The following RANBP17 variants were observed in gnomAD, a reference collection of about 807,000 sequenced individuals.
RANBP17 encodes the protein RAN binding protein 17.
Under a neutral mutation model 141.2 loss-of-function variants are expected in RANBP17, and 158 were observed. The observed-to-expected ratio is 1.12, with a 90% CI of 0.98 to 1.28. The LOEUF (loss-of-function observed/expected upper bound fraction) is 1.28. RANBP17 is among the 50% of genes most tolerant of loss of function. The pLI is 0.00. For missense variants in RANBP17, 1,438 were observed against 1,290.7 expected (o/e 1.11, Z -1.75); for synonymous variants, 430 against 450.0 (o/e 0.96, Z 0.56).
chr5:171,115,308 A>G (rs1044573408), intron 14 of RANBP17, among the ~76,000 whole-genome samples: 3 of 152,198 alleles, frequency 2.0e-5, no homozygotes, highest in African/African-American at 7.2e-5. Flanking sequence ...TCCCATTATG[A>G]AATGGAAATT....
chr5:171,106,952 T>C (rs1163648560), intron 14 of RANBP17, among the ~76,000 whole-genome samples: 1 of 152,182 alleles, frequency 6.6e-6, no homozygotes, highest in Non-Finnish European at 1.5e-5. Context: ...CATCAAAAGA[T>C]ACTCATACTT....
chr5:170,889,096 C>T (rs1160770301), intron 3 of RANBP17, among the ~76,000 whole-genome samples: 1 of 150,628 alleles, frequency 6.6e-6, no homozygotes, highest in Non-Finnish European at 1.5e-5. Context: ...TCCATGTTCT[C>T]TTTCTCTCCT....
At chr5:171,136,607 C>T (rs1215944019) in intron 14 of RANBP17, among the ~76,000 whole-genome samples, 4 of 152,062 alleles carry the variant, frequency 2.6e-5, no homozygotes, top group African/African-American at 9.7e-5. Context: ...TATCAGGACT[C>T]TTTAAAAGCA....
chr5:171,280,070 A>G (rs1767761647), intron 25 of RANBP17, among the ~76,000 whole-genome samples: 2 of 152,192 alleles, frequency 1.3e-5, no homozygotes, highest in Admixed American at 1.3e-4. Flanking sequence ...TCTTCAAAGA[A>G]TGGCACAGTA....
At chr5:171,068,915 T>TA (rs1784472576) in intron 14 of RANBP17, among the ~76,000 whole-genome samples, 1 of 152,198 alleles carries the variant, frequency 6.6e-6, no homozygotes. Flanking sequence ...AGGCTGCAGT[T>TA]ACTCGTTTAT....
chr5:171,117,586 C>T (rs909011445), intron 14 of RANBP17, among the ~76,000 whole-genome samples: 2 of 152,056 alleles, frequency 1.3e-5, no homozygotes, highest in African/African-American at 4.8e-5. Context: ...CTCCGCCTCC[C>T]AGGTTCAAGC....
intron 12 of RANBP17, among the ~76,000 whole-genome samples, chr5:170,941,700 A>G (rs1774337288): frequency 6.6e-6 from 1 of 152,204 alleles, no homozygotes. Flanking sequence ...CATTACCAAT[A>G]AAAGAAGTAG....
intron 5 of RANBP17, among the ~76,000 whole-genome samples, chr5:170,898,554 G>A (rs961811795): frequency 6.6e-6 from 1 of 152,040 alleles, no homozygotes; most frequent in Non-Finnish European, 1.5e-5. Context: ...GTCAATTTTG[G>A]CTTTTGTTGC....
chr5:170,885,215 A>G (rs992142784), intron 3 of RANBP17, among the ~76,000 whole-genome samples: 19 of 152,232 alleles, frequency 1.2e-4, no homozygotes, highest in African/African-American at 4.1e-4. Context: ...CTCGAAGAAC[A>G]GCAGTAAAGT....
intron 14 of RANBP17, among the ~76,000 whole-genome samples, chr5:171,150,194 A>G (rs1260246156): frequency 2.6e-5 from 4 of 152,162 alleles, no homozygotes; most frequent in African/African-American, 9.6e-5. Context: ...CTCTTTAAAA[A>G]CTTTGTGTTT....
chr5:171,291,196 T>A (rs1768472759), intron 25 of RANBP17, among the ~76,000 whole-genome samples: 1 of 152,146 alleles, frequency 6.6e-6, no homozygotes, highest in African/African-American at 2.4e-5. Flanking sequence ...GGGCATGCTT[T>A]TCCTAAGTGG....
chr5:171,249,357 A>G (rs1038682846), intron 24 of RANBP17, among the ~76,000 whole-genome samples: 4 of 152,200 alleles, frequency 2.6e-5, no homozygotes, highest in Admixed American at 2.6e-4. Context: ...ACATAAGGCC[A>G]CAGGAAACAT....
Position 170,914,195 on chromosome 5 carries a change from TTTC to T in RANBP17, c.793_795del (p.Phe265del). The T allele has an allele frequency of 6.2e-7, 1 of 1,610,008 alleles. No individual in the cohort carries two copies. The highest frequency in any genetic ancestry group is 1.3e-5 in the African/African-American group (1 of 74,956). ...TCCTGGAACCAGAAACATTGGATCT[TTTC>T]TTCAATTTGTATCATTCACTTCCAC... On this transcript the variant is annotated inframe_deletion, in exon 8 of 28. Coordinates refer to ENST00000523189, the MANE Select transcript of RANBP17 (RefSeq NM_022897.5).
rs373248867 is a variant in RANBP17, at chr5:171,023,786, C to A, written c.1710+55409C>A. Among the ~76,000 whole-genome samples, 62 of 152,284 alleles carry A rather than the reference C, an allele frequency of 4.1e-4. 1 individual carries two copies. The South Asian group carries it at 0.012, about 31-fold the overall frequency. On this transcript the variant is annotated intron_variant, in intron 14 of 27. Coordinates refer to ENST00000523189, the MANE Select transcript of RANBP17 (RefSeq NM_022897.5). The stretch of plus-strand genomic sequence containing the variant: ...TGAACTCTTATCTCTGTCTTCTCAA[C>A]TCAGTGAAATTTCTGTACTTTACTT...
At chr5:171,233,063 G>C (rs1764302690) in intron 22 of RANBP17, among the ~76,000 whole-genome samples, 1 of 152,102 alleles carries the variant, frequency 6.6e-6, no homozygotes, top group Non-Finnish European at 1.5e-5. Flanking sequence ...AAGGTAGACT[G>C]GGCGCAGCTG....
chr5:171,025,108 T>C (rs1255240456), intron 14 of RANBP17, among the ~76,000 whole-genome samples: 1 of 152,202 alleles, frequency 6.6e-6, no homozygotes, highest in East Asian at 1.9e-4. Context: ...CCCCCTTCTA[T>C]GTATTTGATT....
At chr5:170,993,256 G>A (rs566458432) in intron 14 of RANBP17, among the ~76,000 whole-genome samples, 2 of 152,122 alleles carry the variant, frequency 1.3e-5, no homozygotes. Context: ...GTTATACACA[G>A]TTTTTATTTA....
chr5:171,025,153 T>G (rs1781147043), intron 14 of RANBP17, among the ~76,000 whole-genome samples: 1 of 152,192 alleles, frequency 6.6e-6, no homozygotes, highest in African/African-American at 2.4e-5. Flanking sequence ...ATATTCCTAG[T>G]CCAAGCTGCC....
chr5:171,056,737 A>C (rs533584292), intron 14 of RANBP17, among the ~76,000 whole-genome samples: 2 of 152,284 alleles, frequency 1.3e-5, no homozygotes, highest in South Asian at 4.1e-4. Flanking sequence ...AAAGTTTGTC[A>C]TATATTAAAG....
Sources: gnomAD v4.1 joint callset for allele counts (sites outside exome capture counted in the v4.1 genomes callset) on GRCh38, gnomAD v4.1.1 for gene constraint, MANE v1.5 for transcripts, NCBI Gene and HGNC (gene_info 2026-07-23, HGNC 2026-07-21) for gene names.